Variants in OXR1 observed in about 807,000 individuals in gnomAD.
The protein encoded by OXR1 is oxidation resistance 1.
A neutral mutation model predicts 104.6 loss-of-function variants in OXR1; 41 were observed. The ratio of observed to expected loss-of-function variants is 0.39; its 90% CI spans 0.31 to 0.51. The LOEUF is 0.51. OXR1 is among the 20% of genes least tolerant of loss of function. The pLI is 0.77. For synonymous variants in OXR1, 348 were observed against 348.4 expected, an observed-to-expected ratio of 1.00 and a Z score of 0.01; for missense variants, 955 against 1,031.9, an observed-to-expected ratio of 0.93 and a Z score of 1.02.
chr8:106,642,859 A>G (rs933890566), intron 3 of OXR1, among the ~76,000 whole-genome samples: 6 of 152,212 alleles, frequency 3.9e-5, no homozygotes, highest in Non-Finnish European at 5.9e-5. Flanking sequence ...GATCACTTGG[A>G]GTCTGTACCT....
intron 3 of OXR1, among the ~76,000 whole-genome samples, chr8:106,548,730 A>G (rs1252817954): frequency 6.6e-6 from 1 of 152,198 alleles, no homozygotes; most frequent in Non-Finnish European, 1.5e-5. Context: ...CATATAAAGG[A>G]GTGCTCAGCA....
In OXR1 at chr8:106,560,077, A is replaced by G. The variant is rs180839475; in HGVS notation, c.220+40938A>G. On this transcript the variant is annotated intron_variant, in intron 3 of 16. Transcript: ENST00000517566. ...TCATGGGTTAAAACCGAGAAACATG[A>G]AACTAGAGATAATATGGAGAAAGCT... is the stretch of plus-strand genomic sequence containing the variant. Among the ~76,000 whole-genome samples, 342 of 152,262 alleles carry G rather than the reference A, an allele frequency of 2.2e-3. 2 individuals are homozygous for G. Among genetic ancestry groups the G allele is most frequent in the African/African-American group, 7.9e-3 (329 of 41,528 alleles).
At chr8:106,749,693 G>T (rs1835713850) in intron 16 of OXR1, among the ~76,000 whole-genome samples, 1 of 152,140 alleles carries the variant, frequency 6.6e-6, no homozygotes, top group African/African-American at 2.4e-5. Flanking sequence ...GCTCAATTCT[G>T]CTGACTTGAT....
chr8:106,674,506 A>AT (rs1827366419), intron 3 of OXR1, among the ~76,000 whole-genome samples: 1 of 152,086 alleles, frequency 6.6e-6, no homozygotes, highest in African/African-American at 2.4e-5. Flanking sequence ...TTGGACTTGG[A>AT]TTTTAGGGTT....
At chr8:106,301,295 T>C (rs911894713) in intron 1 of OXR1, among the ~76,000 whole-genome samples, 10 of 152,230 alleles carry the variant, frequency 6.6e-5, no homozygotes, top group African/African-American at 2.2e-4. Context: ...AATTGAGTCA[T>C]TTATTTGAGA....
intron 3 of OXR1, among the ~76,000 whole-genome samples, chr8:106,608,362 G>C (rs1023380200): frequency 6.6e-6 from 1 of 152,034 alleles, no homozygotes; most frequent in African/African-American, 2.4e-5. Context: ...AGGCTTACCT[G>C]TGCTCATGTA....
At chr8:106,635,018 A>G (rs1823015074) in intron 3 of OXR1, among the ~76,000 whole-genome samples, 1 of 152,216 alleles carries the variant, frequency 6.6e-6, no homozygotes, top group African/African-American at 2.4e-5. Flanking sequence ...ACTGGTCTTA[A>G]TGACAAAGAC....
intron 1 of OXR1, among the ~76,000 whole-genome samples, chr8:106,274,488 T>G (rs1277222732): frequency 6.6e-6 from 1 of 152,186 alleles, no homozygotes; most frequent in East Asian, 1.9e-4. Flanking sequence ...GCTTACTTCC[T>G]TTCTTGTTCT....
chr8:106,365,776 T>C (rs1816446428), intron 2 of OXR1, among the ~76,000 whole-genome samples: 1 of 152,214 alleles, frequency 6.6e-6, no homozygotes, highest in South Asian at 2.1e-4. Context: ...ATTTTTCTTC[T>C]TGTATCTCCC....
rs1426441367 is a variant in OXR1, at chr8:106,338,526, G to C, written c.-138-20950G>C. 2.0e-5 allele frequency among the ~76,000 whole-genome samples: 3 copies of C among 146,496 alleles called. No homozygotes were observed. The Admixed American group carries it at 2.1e-4, about 10-fold the overall frequency. On this transcript the variant is annotated intron_variant, in intron 1 of 16. Coordinates refer to ENST00000517566, the MANE Select transcript of OXR1 (RefSeq NM_001198533.2). ...TGCAGTGAGCCAAGATCACACCACT[G>C]CACTCTACCCTGGGGGACAGAGTGA...
intron 11 of OXR1, among the ~76,000 whole-genome samples, chr8:106,734,900 T>G (rs912112564): frequency 6.6e-6 from 1 of 152,174 alleles, no homozygotes; most frequent in Admixed American, 6.6e-5. Flanking sequence ...AAGAAACGAT[T>G]TTTTAGCCAG....
At chr8:106,563,797 C>T (rs2130510606) in intron 3 of OXR1, among the ~76,000 whole-genome samples, 1 of 152,296 alleles carries the variant, frequency 6.6e-6, no homozygotes, top group Non-Finnish European at 1.5e-5. Context: ...GTCTCTCAGA[C>T]CACAGTGCAA....
At chr8:106,591,409 C>T (rs969497675) in intron 3 of OXR1, among the ~76,000 whole-genome samples, 1 of 142,542 alleles carries the variant, frequency 7.0e-6, no homozygotes, top group African/African-American at 2.7e-5. Flanking sequence ...CAAACGTGCA[C>T]GTTGTGCACA....
chr8:106,370,218 G>A lies in OXR1; in HGVS notation c.23+10582G>A, dbSNP rs546874761. Among the ~76,000 whole-genome samples the A allele has an allele frequency of 3.3e-5, 5 of 152,210 alleles. No homozygotes were observed. The South Asian group carries it at 1.0e-3, about 32-fold the overall frequency. On this transcript the variant is annotated intron_variant, in intron 2 of 16. Transcript: ENST00000517566. ...TCTGCTTGCTTATTGTTGGTGTAAA[G>A]GAATGCTTTTGATTTTTGCAGATTG... is the stretch of plus-strand genomic sequence containing the variant.
chr8:106,346,218 A>G (rs1050136457), intron 1 of OXR1, among the ~76,000 whole-genome samples: 2 of 152,212 alleles, frequency 1.3e-5, no homozygotes, highest in Non-Finnish European at 2.9e-5. Flanking sequence ...TTATCAGAAG[A>G]TAATGAAAAA....
intron 11 of OXR1, among the ~76,000 whole-genome samples, chr8:106,732,488 T>G (rs1261549139): frequency 1.3e-5 from 2 of 152,160 alleles, no homozygotes; most frequent in Admixed American, 1.3e-4. Flanking sequence ...AAGGATCTTG[T>G]TTCTCACTAT....
At chr8:106,408,794 G>A (rs1024848070) in intron 2 of OXR1, among the ~76,000 whole-genome samples, 6 of 152,146 alleles carry the variant, frequency 3.9e-5, no homozygotes, top group African/African-American at 1.2e-4. Context: ...GAGCAGCTAG[G>A]TGACTGCCTG....
At chr8:106,571,750 A>G (rs558800273) in intron 3 of OXR1, among the ~76,000 whole-genome samples, 50 of 152,318 alleles carry the variant, frequency 3.3e-4, no homozygotes, top group African/African-American at 1.1e-3. Context: ...CTTTCCAGCT[A>G]TAAACCTGTG....
intron 3 of OXR1, among the ~76,000 whole-genome samples, chr8:106,615,437 A>G (rs565525271): frequency 1.4e-4 from 21 of 151,832 alleles, no homozygotes; most frequent in African/African-American, 1.9e-4. Flanking sequence ...GTCTCAAAAA[A>G]AAAAAGAAAA....
Sources: gnomAD v4.1 joint callset for allele counts (sites outside exome capture counted in the v4.1 genomes callset) on GRCh38, gnomAD v4.1.1 for gene constraint, MANE v1.5 for transcripts, NCBI Gene and HGNC (gene_info 2026-07-23, HGNC 2026-07-21) for gene names.